IFNA14: variants seen among roughly 807,000 people sequenced by gnomAD.
IFNA14 encodes the protein interferon alpha-14.
For synonymous variants in IFNA14, 113 were observed against 76.8 expected (o/e 1.47, Z -2.46); for missense variants, 337 against 214.9 (o/e 1.57, Z -3.55).
In IFNA14 at chr9:21,239,677, T is replaced by C. The variant is rs1818855903; in HGVS notation, c.259A>G (p.Thr87Ala). The part of the protein sequence containing the change: ...ISVLHEMMQQ[T>A]FNLFSTKNSS... ...TTCTTTGTGCTGAAGAGATTGAAGG[T>C]CTGCTGCATCATCTCATGGAGGACA... The change falls in exon 1 of 1, where the codon ACC (threonine) becomes GCC (alanine). Residue 87 changes from threonine (T) to alanine (A), a missense_variant. Coordinates refer to ENST00000380222, the MANE Select transcript of IFNA14 (RefSeq NM_002172.3). 1 of 1,614,030 alleles carries C rather than the reference T, an allele frequency of 6.2e-7. No homozygotes were observed. Among genetic ancestry groups the C allele is most frequent in the East Asian group, 2.2e-5 (1 of 44,866 alleles).
In IFNA14 at chr9:21,239,635, C is replaced by G. The variant is rs1247012114; in HGVS notation, c.301G>C (p.Asp101His). 1 of 1,613,824 alleles carries G rather than the reference C, an allele frequency of 6.2e-7. No homozygotes were observed. The highest frequency in any genetic ancestry group is 2.2e-5 in the East Asian group (1 of 44,886). The change falls in exon 1 of 1, where the codon GAT (aspartate) becomes CAT (histidine). Residue 101 changes from aspartate to histidine, a missense_variant. Transcript: ENST00000380222. ...FSTKNSSAAWDETLLEKFYIE... is the reference protein window; with the variant it reads ...FSTKNSSAAWHETLLEKFYIE... ...TAGAATTTTTCTAGGAGGGTCTCAT[C>G]CCAAGCAGCAGATGAGTTCTTTGTG...
At position 21,239,172 on chromosome 9, in the gene IFNA14, C is replaced by G. The variant is rs1412089933; in HGVS notation, c.*194G>C. The G allele has an allele frequency of 3.5e-6, 2 of 571,950 alleles. No individual in the cohort carries two copies. Among genetic ancestry groups the G allele is most frequent in the Admixed American group, 4.0e-5 (1 of 25,042 alleles). 35.4% of individuals were successfully genotyped at this position (571,950 alleles called of 1,614,324 possible). ...TAAATAAATAGATGAAAGGAGACATCAGCATGGTCATCTGTAAAGGACTAG... is the reference window on the plus strand; with the variant it reads ...TAAATAAATAGATGAAAGGAGACATGAGCATGGTCATCTGTAAAGGACTAG... On this transcript the variant is annotated 3_prime_UTR_variant, in exon 1 of 1. Coordinates refer to ENST00000380222, the MANE Select transcript of IFNA14 (RefSeq NM_002172.3).
Position 21,239,310 on chromosome 9 carries a change from G to T in IFNA14, c.*56C>A. 1 of 1,602,816 alleles carries T rather than the reference G, an allele frequency of 6.2e-7. No homozygotes were observed. The highest frequency in any genetic ancestry group is 2.2e-5 in the East Asian group (1 of 44,812). On this transcript the variant is annotated 3_prime_UTR_variant, in exon 1 of 1. Transcript: ENST00000380222. ...GAGTCTTTGAAATGGAAGAACTCAT[G>T]AAAGTGTGAGATGATGTATTAGTCA... is the stretch of plus-strand genomic sequence containing the variant.
chr9:21,239,409 G>C lies in IFNA14; in HGVS notation c.527C>G (p.Ser176Cys). The C allele has an allele frequency of 6.2e-7, 1 of 1,614,076 alleles. No homozygotes were observed. The highest frequency in any genetic ancestry group is 1.1e-5 in the South Asian group (1 of 91,076). ...VVRAEIMRSL[S>C]FSTNLQKRLR... The stretch of plus-strand genomic sequence containing the variant: ...TCTTTTTTGCAAGTTTGTTGAAAAA[G>C]AGAGGGATCTCATGATTTCTGCTCT... The change falls in exon 1 of 1, where the codon TCT (serine) becomes TGT (cysteine). Residue 176 changes from serine (S) to cysteine (C), a missense_variant. Coordinates refer to ENST00000380222, the MANE Select transcript of IFNA14 (RefSeq NM_002172.3).
chr9:21,239,673 A>C lies in IFNA14; in HGVS notation c.263T>G (p.Phe88Cys). ...SVLHEMMQQT[F>C]NLFSTKNSSA... ...TGAGTTCTTTGTGCTGAAGAGATTG[A>C]AGGTCTGCTGCATCATCTCATGGAG... Residue 88 changes from phenylalanine (F) to cysteine (C), a missense_variant, in exon 1 of 1, where the codon TTC (phenylalanine) becomes TGC (cysteine). Physicochemically the swap from Phe to Cys is radical, Grantham distance 205. Coordinates refer to ENST00000380222, the MANE Select transcript of IFNA14 (RefSeq NM_002172.3). The C allele has an allele frequency of 6.2e-7, 1 of 1,613,984 alleles. No individual in the cohort carries two copies. Among genetic ancestry groups the C allele is most frequent in the Non-Finnish European group, 8.5e-7 (1 of 1,179,938 alleles).
At position 21,239,128 on chromosome 9, in the gene IFNA14, A is replaced by G. The variant is rs1481949219; in HGVS notation, c.*238T>C. The G allele has an allele frequency of 1.2e-5, 3 of 245,226 alleles. No homozygotes were observed. The highest frequency in any genetic ancestry group is 9.6e-5 in the East Asian group (1 of 10,420). The allele number at this position is 245,226 out of a possible 1,614,324, so 15.2% of individuals were successfully genotyped here. A position where few individuals can be genotyped will look rare whatever the true frequency, so the allele number is the denominator to read the frequency against. ...AAAAAATAATTTAAATAATAAAAAT[A>G]GTTAAATAAATAAATATTTAAATAA... On this transcript the variant is annotated 3_prime_UTR_variant, in exon 1 of 1. Transcript: ENST00000380222.
Position 21,239,414 on chromosome 9 carries a change from G to T in IFNA14, c.522C>A (p.Ser174=). Residue 174 remains serine (S), a synonymous_variant, in exon 1 of 1, where the codon TCC becomes TCA. Transcript: ENST00000380222. ...WEVVRAEIMR[S]LSFSTNLQKR... ...TTTGCAAGTTTGTTGAAAAAGAGAG[G>T]GATCTCATGATTTCTGCTCTGACAA... 6.2e-7 allele frequency: 1 copy of T among 1,614,010 alleles called. No individual in the cohort carries two copies. Among genetic ancestry groups the T allele is most frequent in the East Asian group, 2.2e-5 (1 of 44,876 alleles).
In IFNA14 at chr9:21,239,658, G is replaced by A. The variant is rs773695869; in HGVS notation, c.278C>T (p.Thr93Ile). Residue 93 changes from threonine to isoleucine, a missense_variant, in exon 1 of 1, where the codon ACA becomes ATA. Transcript: ENST00000380222. ...MMQQTFNLFS[T>I]KNSSAAWDET... ...ATCCCAAGCAGCAGATGAGTTCTTT[G>A]TGCTGAAGAGATTGAAGGTCTGCTG... 48 of 1,613,990 alleles carry A rather than the reference G, an allele frequency of 3.0e-5. No homozygotes were observed. The South Asian group carries it at 5.1e-4, about 17-fold the overall frequency.
rs758586744 is a variant in IFNA14 at position 21,239,952 on chromosome 9, G to T, written c.-17C>A. On this transcript the variant is annotated 5_prime_UTR_variant, in exon 1 of 1. Coordinates refer to ENST00000380222, the MANE Select transcript of IFNA14 (RefSeq NM_002172.3). The stretch of plus-strand genomic sequence containing the variant: ...CAATGCCATTGGGAATCCCGAAGAT[G>T]CTGCTGGGCTGGTTGATGAGGGGTA... 4 of 1,610,008 alleles carry T rather than the reference G, an allele frequency of 2.5e-6. No homozygotes were observed. Among genetic ancestry groups the T allele is most frequent in the East Asian group, 2.2e-5 (1 of 44,858 alleles).
At position 21,239,265 on chromosome 9, in the gene IFNA14, G is replaced by T. The variant is rs1211045996; in HGVS notation, c.*101C>A. The T allele has an allele frequency of 1.3e-6, 2 of 1,571,054 alleles. No homozygotes were observed. The highest frequency in any genetic ancestry group is 1.7e-6 in the Non-Finnish European group (2 of 1,163,822). On this transcript the variant is annotated 3_prime_UTR_variant, in exon 1 of 1. Coordinates refer to ENST00000380222, the MANE Select transcript of IFNA14 (RefSeq NM_002172.3). ...ACATTTGAAAATTTTGATTCAACTT[G>T]TGGTGGTTATAGGAGAAGTGAGTCT... is the stretch of plus-strand genomic sequence containing the variant.
rs768741360 is a variant in IFNA14, at chr9:21,239,802, C to G, written c.134G>C (p.Arg45Thr). 3.1e-6 allele frequency: 5 copies of G among 1,614,076 alleles called. No homozygotes were observed. The highest frequency in any genetic ancestry group is 1.6e-4 in the Middle Eastern group (1 of 6,062). Residue 45 changes from arginine (R) to threonine (T), a missense_variant, in exon 1 of 1, where the codon AGG becomes ACG. Physicochemically the swap from Arg to Thr is moderately conservative, Grantham distance 71. Transcript: ENST00000380222. ...RRTLMLMAQM[R>T]RISPFSCLKD... ...CAGGCAGGAGAAAGGAGAGATTCTC[C>G]TCATTTGTGCCATGAGCATCAAAGT...
Position 21,239,516 on chromosome 9 carries a change from G to C in IFNA14, c.420C>G (p.Ile140Met). The C allele has an allele frequency of 6.2e-7, 1 of 1,614,110 alleles. No homozygotes were observed. The highest frequency in any genetic ancestry group is 8.5e-7 in the Non-Finnish European group (1 of 1,180,024). ...TTTGGAAGTATTTCTTCACAGCCAG[G>C]ATGGAGTCCTCATTCATCAGGGGAG... ...EETPLMNEDS[I>M]LAVKKYFQRI... The change falls in exon 1 of 1, where the codon ATC becomes ATG. Residue 140 changes from isoleucine (I) to methionine (M), a missense_variant. Physicochemically the swap from Ile to Met is conservative, Grantham distance 10. Transcript: ENST00000380222.
rs761860333 is a variant in IFNA14, at chr9:21,239,747, C to T, written c.189G>A (p.Gln63=). The T allele has an allele frequency of 6.2e-7, 1 of 1,614,094 alleles. No homozygotes were observed. The highest frequency in any genetic ancestry group is 1.1e-5 in the South Asian group (1 of 91,084). ...LKDRHDFEFP[Q]EEFDGNQFQK... ...GGAACTGGTTGCCATCAAATTCCTC[C>T]TGGGGAAATTCAAAGTCATGTCTGT... is the stretch of plus-strand genomic sequence containing the variant. The change falls in exon 1 of 1, where the codon CAG becomes CAA. Residue 63 remains glutamine, a synonymous_variant. Coordinates refer to ENST00000380222, the MANE Select transcript of IFNA14 (RefSeq NM_002172.3).
Position 21,239,701 on chromosome 9 carries a change from C to A in IFNA14, c.235G>T (p.Val79Phe). ...GTCTGCTGCATCATCTCATGGAGGA[C>A]AGAGATGGCTTGAGCTTTCTGGAAC... ...NQFQKAQAIS[V>F]LHEMMQQTFN... The change falls in exon 1 of 1, where the codon GTC becomes TTC. Residue 79 changes from valine to phenylalanine, a missense_variant. By Grantham distance (50) the Val-to-Phe change is conservative. Transcript: ENST00000380222. The A allele has an allele frequency of 1.2e-6, 2 of 1,614,086 alleles. No individual in the cohort carries two copies. The highest frequency in any genetic ancestry group is 1.7e-6 in the Non-Finnish European group (2 of 1,179,988).
At position 21,239,326 on chromosome 9, in the gene IFNA14, G is replaced by A. The variant is rs750866555; in HGVS notation, c.*40C>T. ...AGAACTCATGAAAGTGTGAGATGAT[G>A]TATTAGTCAATGAGAATCATTTCCA... On this transcript the variant is annotated 3_prime_UTR_variant, in exon 1 of 1. Coordinates refer to ENST00000380222, the MANE Select transcript of IFNA14 (RefSeq NM_002172.3). The A allele has an allele frequency of 5.0e-6, 8 of 1,611,684 alleles. No individual in the cohort carries two copies. In the Admixed American group the frequency reaches 5.0e-5, roughly 10 times the overall value.
chr9:21,239,518 T>A lies in IFNA14; in HGVS notation c.418A>T (p.Ile140Phe). The change falls in exon 1 of 1, where the codon ATC (isoleucine) becomes TTC (phenylalanine). Residue 140 changes from isoleucine (I) to phenylalanine (F), a missense_variant. Ile to Phe is a conservative substitution (Grantham distance 21). Coordinates refer to ENST00000380222, the MANE Select transcript of IFNA14 (RefSeq NM_002172.3). Reference sequence around the variant, plus strand: ...TGGAAGTATTTCTTCACAGCCAGGATGGAGTCCTCATTCATCAGGGGAGTC... The same window carrying A: ...TGGAAGTATTTCTTCACAGCCAGGAAGGAGTCCTCATTCATCAGGGGAGTC... ...EETPLMNEDS[I>F]LAVKKYFQRI... The A allele has an allele frequency of 6.2e-7, 1 of 1,614,172 alleles. No individual in the cohort carries two copies. The highest frequency in any genetic ancestry group is 8.5e-7 in the Non-Finnish European group (1 of 1,180,016).
At position 21,239,449 on chromosome 9, in the gene IFNA14, C is replaced by A. The variant is rs775276511; in HGVS notation, c.487G>T (p.Ala163Ser). 2.4e-5 allele frequency: 38 copies of A among 1,613,986 alleles called. 1 individual carries two copies. The South Asian group carries it at 3.8e-4, about 16-fold the overall frequency. Residue 163 changes from alanine (A) to serine (S), a missense_variant, in exon 1 of 1, where the codon GCC becomes TCC. Physicochemically the swap from Ala to Ser is moderately conservative, Grantham distance 99. Coordinates refer to ENST00000380222, the MANE Select transcript of IFNA14 (RefSeq NM_002172.3). ...YLMEKKYSPC[A>S]WEVVRAEIMR... is the part of the protein sequence containing the mutation. ...ATTTCTGCTCTGACAACCTCCCAGG[C>A]ACAAGGGCTGTATTTCTTCTCCATC...
At position 21,239,690 on chromosome 9, in the gene IFNA14, C is replaced by G. The variant is rs757103258; in HGVS notation, c.246G>C (p.Glu82Asp). The G allele has an allele frequency of 5.6e-6, 9 of 1,613,958 alleles. No homozygotes were observed. Among genetic ancestry groups the G allele is most frequent in the Non-Finnish European group, 7.6e-6 (9 of 1,179,982 alleles). ...QKAQAISVLH[E>D]MMQQTFNLFS... ...AGAGATTGAAGGTCTGCTGCATCAT[C>G]TCATGGAGGACAGAGATGGCTTGAG... Residue 82 changes from glutamate (E) to aspartate (D), a missense_variant, in exon 1 of 1, where the codon GAG becomes GAC. Transcript: ENST00000380222.
chr9:21,239,407 AAG>A, the IFNA14 span: 2 of 1,614,090 alleles, frequency 1.2e-6, no homozygotes, highest in Non-Finnish European at 8.5e-7. Context: ...TTTGTTGAAA[AAG>A]AGAGGGATCT....
Sources: allele counts gnomAD v4.1 joint callset, GRCh38; gene constraint gnomAD v4.1.1; transcripts MANE v1.5; gene names NCBI Gene and HGNC (gene_info 2026-07-23, HGNC 2026-07-21).